ZSCAN25: variants seen among roughly 807,000 people sequenced by gnomAD.
The protein encoded by ZSCAN25 is zinc finger and SCAN domain-containing protein 25.
ZSCAN25 carries 27 observed loss-of-function variants against 38.7 expected under a neutral mutation model. The observed-to-expected ratio is 0.70, with a 90% confidence interval of 0.51 to 0.96. The LOEUF (loss-of-function observed/expected upper bound fraction) is 0.96. Among genes scored for constraint, ZSCAN25 ranks in the 40% least tolerant of loss-of-function variants. The pLI, the probability that ZSCAN25 is intolerant of heterozygous loss-of-function variation, is 0.00. For synonymous variants in ZSCAN25, 273 were observed against 277.7 expected (o/e 0.98, Z 0.17); for missense variants, 637 against 705.9 (o/e 0.90, Z 1.11).
At chr7:99,657,323 C>A in the ZSCAN25 span, among the ~76,000 whole-genome samples, 1 of 152,156 alleles carries the variant, frequency 6.6e-6, no homozygotes, top group Non-Finnish European at 1.5e-5. Flanking sequence ...TTTATTTCTG[C>A]CTTCATTTCG....
the ZSCAN25 span, chr7:99,666,895 A>G: frequency 4.4e-6 from 7 of 1,604,056 alleles, no homozygotes; most frequent in African/African-American, 2.7e-5. Flanking sequence ...CTTACTTTCT[A>G]CCTGTCCCCA....
the ZSCAN25 span, among the ~76,000 whole-genome samples, chr7:99,714,060 C>T: frequency 2.6e-5 from 4 of 152,208 alleles, no homozygotes; most frequent in African/African-American, 9.6e-5. Flanking sequence ...CAGAGAAGAC[C>T]TCTGTTCACT....
chr7:99,667,158 A>C, the ZSCAN25 span: 1 of 1,064,594 alleles, frequency 9.4e-7, no homozygotes, highest in Non-Finnish European at 1.3e-6. Flanking sequence ...TATTTAACAA[A>C]TATTTATTGA....
the ZSCAN25 span, chr7:99,671,748 A>T: frequency 1.5e-6 from 1 of 686,784 alleles, no homozygotes; most frequent in Non-Finnish European, 2.6e-6. Flanking sequence ...TCAAATAAAT[A>T]AAAGTTTGCT....
At chr7:99,684,541 A>T in the ZSCAN25 span, among the ~76,000 whole-genome samples, 1 of 152,174 alleles carries the variant, frequency 6.6e-6, no homozygotes, top group Non-Finnish European at 1.5e-5. Context: ...ATTCTCACCT[A>T]TGTTAATAAT....
the ZSCAN25 span, chr7:99,714,763 C>T: frequency 1.3e-6 from 2 of 1,575,932 alleles, no homozygotes; most frequent in Non-Finnish European, 1.7e-6. Flanking sequence ...ATTTTCTCTA[C>T]CAATCAGAAG....
chr7:99,644,162 T>C, the ZSCAN25 span, among the ~76,000 whole-genome samples: 1 of 152,292 alleles, frequency 6.6e-6, no homozygotes, highest in South Asian at 2.1e-4. Context: ...AGCACACTTG[T>C]ACTGAGTCAT....
chr7:99,683,910 G>T, the ZSCAN25 span, among the ~76,000 whole-genome samples: 1 of 152,136 alleles, frequency 6.6e-6, no homozygotes, highest in Non-Finnish European at 1.5e-5. Context: ...GGAAAGTAAA[G>T]AAAGAAGTGG....
chr7:99,722,769 C>T, the ZSCAN25 span, among the ~76,000 whole-genome samples: 2 of 152,126 alleles, frequency 1.3e-5, no homozygotes, highest in African/African-American at 4.8e-5. Flanking sequence ...GTTCTTCATC[C>T]TTTTCATTTA....
chr7:99,632,199 G>C lies in ZSCAN25; in HGVS notation c.*2179G>C. ...CCTGTGGGGCCAAGAGCTTAGGACA[G>C]TGTCTCAGAAAAGCCTCTAAGTAGG... On this transcript the variant is annotated 3_prime_UTR_variant, in exon 8 of 8. Transcript: ENST00000394152. 3.0e-6 allele frequency: 3 copies of C among 985,432 alleles called. No individual in the cohort carries two copies. The highest frequency in any genetic ancestry group is 2.4e-6 in the Non-Finnish European group (2 of 829,928). The allele number at this position is 985,432 out of a possible 1,614,324, so 61.0% of individuals were successfully genotyped here.
chr7:99,639,774 AACTT>A, the ZSCAN25 span, among the ~76,000 whole-genome samples: 1 of 152,158 alleles, frequency 6.6e-6, no homozygotes, highest in Non-Finnish European at 1.5e-5. Context: ...TCTAACTCAT[AACTT>A]ACTTAGGCTG....
At chr7:99,711,267 C>A in the ZSCAN25 span, among the ~76,000 whole-genome samples, 2 of 152,186 alleles carry the variant, frequency 1.3e-5, no homozygotes, top group African/African-American at 4.8e-5. Context: ...GTAGTCTTCT[C>A]TCCCAAGAAA....
At chr7:99,666,866 C>G in the ZSCAN25 span, 6 of 1,591,888 alleles carry the variant, frequency 3.8e-6, no homozygotes, top group African/African-American at 6.7e-5. Flanking sequence ...TGGACTACCC[C>G]TTGGAAACGG....
chr7:99,680,275 C>T, the ZSCAN25 span, among the ~76,000 whole-genome samples: 1 of 152,120 alleles, frequency 6.6e-6, no homozygotes, highest in East Asian at 1.9e-4. Context: ...GAAATCCATC[C>T]TCACAAGCCA....
chr7:99,644,423 G>A, the ZSCAN25 span, among the ~76,000 whole-genome samples: 18 of 152,254 alleles, frequency 1.2e-4, no homozygotes, highest in African/African-American at 4.1e-4. Context: ...TTTGATCTGA[G>A]CCTTGAAGGA....
the ZSCAN25 span, chr7:99,650,316 C>T: frequency 8.0e-7 from 1 of 1,253,774 alleles, no homozygotes; most frequent in South Asian, 1.3e-5. Flanking sequence ...TTAAGAACAA[C>T]CCCCCTCCAC....
chr7:99,677,500 A>T, the ZSCAN25 span, among the ~76,000 whole-genome samples: 4 of 152,240 alleles, frequency 2.6e-5, no homozygotes, highest in African/African-American at 9.6e-5. Flanking sequence ...AACGTCCCGG[A>T]GAGTTGTATT....
At chr7:99,636,814 A>G (rs13308522), downstream of ZSCAN25, among the ~76,000 whole-genome samples, 1 of 152,240 alleles carries the variant, frequency 6.6e-6, no homozygotes, top group Non-Finnish European at 1.5e-5. Flanking sequence ...GTTAGGATCT[A>G]GATATCATCA....
At chr7:99,667,561 G>A in the ZSCAN25 span, among the ~76,000 whole-genome samples, 2 of 152,134 alleles carry the variant, frequency 1.3e-5, no homozygotes, top group East Asian at 1.9e-4. Context: ...CTAGAAACCT[G>A]TTTTGAAGGA....
Sources: allele counts gnomAD v4.1 joint callset (sites outside exome capture counted in the v4.1 genomes callset), GRCh38; gene constraint gnomAD v4.1.1; transcripts MANE v1.5; gene names NCBI Gene and HGNC (gene_info 2026-07-23, HGNC 2026-07-21).